RUNX2: variants seen among roughly 807,000 people sequenced by gnomAD.
RUNX2 encodes runt-related transcription factor 2.
A neutral mutation model predicts 51.7 loss-of-function variants in RUNX2; 10 were observed. The observed-to-expected ratio is 0.19, with a 90% CI of 0.12 to 0.33. The LOEUF is 0.33. Among genes scored for constraint, RUNX2 ranks in the 10% least tolerant of loss-of-function variants. The probability of loss-of-function intolerance (pLI) is 1.00; values close to 1 mark genes in which losing one functional copy is unlikely to be tolerated. For synonymous variants in RUNX2, 276 were observed against 273.6 expected (o/e 1.01, Z -0.09); for missense variants, 562 against 691.3 (o/e 0.81, Z 2.10).
chr6:45,416,174 C>T (rs1798065942), intron 2 of RUNX2, among the ~76,000 whole-genome samples: 1 of 152,166 alleles, frequency 6.6e-6, no homozygotes, highest in South Asian at 2.1e-4. Flanking sequence ...CCTAGGATTG[C>T]AGCTAATAGA....
chr6:45,348,512 C>CAAAAAAAAAAAAAAA (rs754208599), intron 2 of RUNX2, among the ~76,000 whole-genome samples: 11 of 110,360 alleles, frequency 1.0e-4, no homozygotes, highest in South Asian at 3.1e-4. Flanking sequence ...ACTAAAAATA[C>CAAAAAAAAAAAAAAA]AAAAAAAAAA....
chr6:45,399,605 AC>A (rs1245566900), intron 2 of RUNX2, among the ~76,000 whole-genome samples: 1 of 151,414 alleles, frequency 6.6e-6, no homozygotes, highest in East Asian at 2.0e-4. Flanking sequence ...TGATCTGCCC[AC>A]CTTGGCCTCC....
intron 7 of RUNX2, among the ~76,000 whole-genome samples, chr6:45,514,694 C>T (rs1458329152): frequency 6.6e-6 from 1 of 152,164 alleles, no homozygotes; most frequent in East Asian, 1.9e-4. Flanking sequence ...CGGGGCTGTG[C>T]CTGCACACCC....
intron 2 of RUNX2, among the ~76,000 whole-genome samples, chr6:45,340,292 A>G (rs573123615): frequency 6.6e-6 from 1 of 152,268 alleles, no homozygotes; most frequent in Admixed American, 6.5e-5. Context: ...AAATAAAAGT[A>G]TATCAAGGAA....
At chr6:45,341,869 T>A (rs556153008) in intron 2 of RUNX2, among the ~76,000 whole-genome samples, 1 of 152,184 alleles carries the variant, frequency 6.6e-6, no homozygotes. Flanking sequence ...TTCACACTTA[T>A]TTCATCAGAA....
At chr6:45,500,735 G>A (rs557393189) in intron 6 of RUNX2, among the ~76,000 whole-genome samples, 1 of 152,338 alleles carries the variant, frequency 6.6e-6, no homozygotes, top group African/African-American at 2.4e-5. Flanking sequence ...CATGGGAAGA[G>A]CCAATTGGCA....
In RUNX2 at chr6:45,482,747, C is replaced by T. The variant is rs140723317; in HGVS notation, c.686-9194C>T. 2.6e-5 allele frequency among the ~76,000 whole-genome samples: 4 copies of T among 152,226 alleles called. 1 individual carries two copies. Among genetic ancestry groups the T allele is most frequent in the South Asian group, 4.1e-4 (2 of 4,826 alleles). On this transcript the variant is annotated intron_variant, in intron 5 of 8. Coordinates refer to ENST00000647337, the MANE Select transcript of RUNX2 (RefSeq NM_001024630.4). Reference sequence around the variant, plus strand: ...ATTTCTATGGAGTCTATGGTTTAACCATGTAATTATGTCTCTTGAGTAGAT... The same window carrying T: ...ATTTCTATGGAGTCTATGGTTTAACTATGTAATTATGTCTCTTGAGTAGAT...
chr6:45,399,485 G>A (rs894442763), intron 2 of RUNX2, among the ~76,000 whole-genome samples: 3 of 147,620 alleles, frequency 2.0e-5, no homozygotes, highest in East Asian at 2.0e-4. Flanking sequence ...TCAGCCTACT[G>A]AGTAGCTGAG....
At chr6:45,494,497 A>G (rs1480681713) in intron 6 of RUNX2, among the ~76,000 whole-genome samples, 1 of 152,228 alleles carries the variant, frequency 6.6e-6, no homozygotes, top group Admixed American at 6.5e-5. Flanking sequence ...ATTGATTTAT[A>G]GACTAGTGTT....
chr6:45,492,144 TA>T (rs1800499515), intron 6 of RUNX2, 30 bp downstream of exon 6: 2 of 1,611,514 alleles, frequency 1.2e-6, no homozygotes, highest in Non-Finnish European at 1.7e-6. Context: ...TTCACTTGCA[TA>T]GACGCTGGCA....
intron 5 of RUNX2, among the ~76,000 whole-genome samples, chr6:45,477,238 C>T (rs1799982184): frequency 6.6e-6 from 1 of 152,136 alleles, no homozygotes; most frequent in Admixed American, 6.5e-5. Flanking sequence ...GGAGTGTTTG[C>T]TTCTCAGGGT....
intron 2 of RUNX2, among the ~76,000 whole-genome samples, chr6:45,329,874 G>A (rs1430996851): frequency 6.6e-6 from 1 of 151,696 alleles, no homozygotes; most frequent in Non-Finnish European, 1.5e-5. Context: ...CAACTACAAG[G>A]CAAGTTTTCA....
chr6:45,383,003 G>T lies in RUNX2; in HGVS notation c.59-39590G>T, dbSNP rs77689881. ...TCAGAGCAACTGGAAAAATTGATTT[G>T]CCTACATTAGCTGAGATGGGGAAGA... On this transcript the variant is annotated intron_variant, in intron 2 of 8. Transcript: ENST00000647337. Among the ~76,000 whole-genome samples the T allele has an allele frequency of 7.9e-4, 121 of 152,328 alleles. No individual in the cohort carries two copies. In the East Asian group the frequency reaches 0.021, roughly 26 times the overall value.
chr6:45,408,631 G>A (rs1194894201), intron 2 of RUNX2, among the ~76,000 whole-genome samples: 1 of 151,932 alleles, frequency 6.6e-6, no homozygotes, highest in Non-Finnish European at 1.5e-5. Context: ...GAATGGTGTA[G>A]GTTAACCTAC....
intron 6 of RUNX2, among the ~76,000 whole-genome samples, chr6:45,493,164 T>C (rs1800538595): frequency 1.3e-5 from 2 of 152,188 alleles, no homozygotes; most frequent in Non-Finnish European, 2.9e-5. Context: ...GGTTTCAGTT[T>C]CTGTGAGTGT....
chr6:45,438,251 C>T (rs530245380), intron 5 of RUNX2, among the ~76,000 whole-genome samples, 200 bp downstream of exon 5: 2 of 152,224 alleles, frequency 1.3e-5, no homozygotes, highest in South Asian at 4.1e-4. Context: ...TTAACCTTTG[C>T]CACACAATCA....
At chr6:45,365,107 C>T in intron 2 of RUNX2, 4 of 760,010 alleles carry the variant, frequency 5.3e-6, no homozygotes, top group African/African-American at 1.8e-5. Flanking sequence ...AAATTATTTC[C>T]AAGTTAAGTT....
At chr6:45,490,298 A>T (rs1341094902) in intron 5 of RUNX2, among the ~76,000 whole-genome samples, 2 of 152,130 alleles carry the variant, frequency 1.3e-5, no homozygotes, top group African/African-American at 4.8e-5. Context: ...AATTTCTCTA[A>T]TTTTTCCTGT....
intron 5 of RUNX2, among the ~76,000 whole-genome samples, chr6:45,479,738 C>T (rs1416510452): frequency 6.6e-6 from 1 of 151,916 alleles, no homozygotes; most frequent in Non-Finnish European, 1.5e-5. Context: ...TTTTGAAAAA[C>T]AAAAAAAGGT....
Sources: gnomAD v4.1 joint callset for allele counts (sites outside exome capture counted in the v4.1 genomes callset) on GRCh38, gnomAD v4.1.1 for gene constraint, MANE v1.5 for transcripts, NCBI Gene and HGNC (gene_info 2026-07-23, HGNC 2026-07-21) for gene names.